Variants in ZFYVE1 observed in about 807,000 individuals in gnomAD.
ZFYVE1 encodes the protein zinc finger FYVE domain-containing protein 1.
In ZFYVE1, 30 loss-of-function variants were observed where a neutral mutation model predicts 74.4. The ratio of observed to expected loss-of-function variants is 0.40; its 90% CI spans 0.30 to 0.55. ZFYVE1 has a LOEUF of 0.55. ZFYVE1 is among the 20% of genes least tolerant of loss of function. The pLI is 0.42. For synonymous variants in ZFYVE1, 335 were observed against 385.1 expected (o/e 0.87, Z 1.52); for missense variants, 703 against 1,011.6 (o/e 0.69, Z 4.14).
At position 73,010,120 on chromosome 14, in the gene ZFYVE1, C is replaced by T. The variant is rs1273627834; in HGVS notation, c.484-11805G>A. Among the ~76,000 whole-genome samples, 3 of 152,064 alleles carry T rather than the reference C, an allele frequency of 2.0e-5. No individual in the cohort carries two copies. In the East Asian group the frequency reaches 5.8e-4, roughly 29 times the overall value. ...TAGGGATAATTGAACAAGCAGGATC[C>T]TTATTCAATACTTAACACTCCTTCC... On this transcript the variant is annotated intron_variant, in intron 2 of 11. Transcript: ENST00000556143.
chr14:73,004,685 G>A lies in ZFYVE1; in HGVS notation c.484-6370C>T, dbSNP rs972478581. Among the ~76,000 whole-genome samples, 10 of 152,060 alleles carry A rather than the reference G, an allele frequency of 6.6e-5. No individual in the cohort carries two copies. In the South Asian group the frequency reaches 1.0e-3, roughly 16 times the overall value. On this transcript the variant is annotated intron_variant, in intron 2 of 11. Coordinates refer to ENST00000556143, the MANE Select transcript of ZFYVE1 (RefSeq NM_021260.4). Reference sequence around the variant, plus strand: ...AGTGAACAATCCCTTAACGTGCACCGACTGCATTTTCGTCATGTGAAAGGA... The same window carrying A: ...AGTGAACAATCCCTTAACGTGCACCAACTGCATTTTCGTCATGTGAAAGGA...
chr14:73,004,021 C>T (rs1045636109), intron 2 of ZFYVE1, among the ~76,000 whole-genome samples: 1 of 152,172 alleles, frequency 6.6e-6, no homozygotes, highest in Non-Finnish European at 1.5e-5. Context: ...ACATCTTCCA[C>T]AGGGCTGAAC....
At chr14:72,981,734 C>CA in intron 5 of ZFYVE1, 55 bp downstream of exon 5, 1 of 1,543,144 alleles carries the variant, frequency 6.5e-7, no homozygotes, top group Non-Finnish European at 9.0e-7. Context: ...AAGCACCACT[C>CA]AAAGGCTCTA....
chr14:72,999,615 G>A lies in ZFYVE1; in HGVS notation c.484-1300C>T, dbSNP rs375582986. Among the ~76,000 whole-genome samples the A allele has an allele frequency of 3.3e-5, 5 of 152,078 alleles. No individual in the cohort carries two copies. In the South Asian group the frequency reaches 1.0e-3, roughly 32 times the overall value. ...TGAAAAGACAACTTACAGAATGGAAGAAAACATTTGTAGATCAAATATCTG... is the reference window on the plus strand; with the variant it reads ...TGAAAAGACAACTTACAGAATGGAAAAAAACATTTGTAGATCAAATATCTG... On this transcript the variant is annotated intron_variant, in intron 2 of 11. Coordinates refer to ENST00000556143, the MANE Select transcript of ZFYVE1 (RefSeq NM_021260.4).
intron 5 of ZFYVE1, chr14:72,979,369 G>A (rs1442471516): frequency 2.0e-5 from 4 of 196,264 alleles, no homozygotes; most frequent in East Asian, 1.2e-4. Context: ...GCATGGTGGC[G>A]GGCACCCATA....
At chr14:73,018,104 C>T (rs1355222562) in intron 2 of ZFYVE1, among the ~76,000 whole-genome samples, 1 of 152,128 alleles carries the variant, frequency 6.6e-6, no homozygotes, top group Admixed American at 6.6e-5. Flanking sequence ...CTACATAGCA[C>T]ATTAGTATTA....
Position 72,993,390 on chromosome 14 carries a change from T to G in ZFYVE1, c.989-33A>C, listed in dbSNP as rs1396194898. The G allele has an allele frequency of 4.6e-6, 7 of 1,530,116 alleles. No individual in the cohort carries two copies. In the Admixed American group the frequency reaches 8.2e-5, roughly 18 times the overall value. The allele number at this position is 1,530,116 out of a possible 1,614,324, so 94.8% of individuals were successfully genotyped here. A position where few individuals can be genotyped will look rare whatever the true frequency, so the allele number is the denominator to read the frequency against. ...AGCAGAAACACAGGCACATGGGTAGTGAGTGACATTTAAAAAAAAAAAAAA... is the reference window on the plus strand; with the variant it reads ...AGCAGAAACACAGGCACATGGGTAGGGAGTGACATTTAAAAAAAAAAAAAA... On this transcript the variant is annotated intron_variant, in intron 3 of 11. Coordinates refer to ENST00000556143, the MANE Select transcript of ZFYVE1 (RefSeq NM_021260.4).
chr14:72,999,381 C>T (rs919978696), intron 2 of ZFYVE1, among the ~76,000 whole-genome samples: 2 of 151,560 alleles, frequency 1.3e-5, no homozygotes, highest in Non-Finnish European at 2.9e-5. Flanking sequence ...GAGCAGCGAT[C>T]GCACCATTGC....
intron 4 of ZFYVE1, among the ~76,000 whole-genome samples, chr14:72,985,102 T>G (rs188869376): frequency 6.6e-6 from 1 of 152,286 alleles, no homozygotes; most frequent in African/African-American, 2.4e-5. Context: ...TCAATAACTC[T>G]CCAGGCTGTT....
intron 2 of ZFYVE1, among the ~76,000 whole-genome samples, chr14:73,009,857 C>T (rs560212654): frequency 2.0e-5 from 3 of 152,238 alleles, no homozygotes; most frequent in South Asian, 4.1e-4. Context: ...CCTTTAATCC[C>T]AGCAGTTCGG....
At chr14:73,026,598 A>T (rs888414595) in intron 1 of ZFYVE1, among the ~76,000 whole-genome samples, 14 of 152,132 alleles carry the variant, frequency 9.2e-5, no homozygotes, top group Admixed American at 4.6e-4. Context: ...ACGCCCGGCC[A>T]TGTCAACCAA....
intron 4 of ZFYVE1, among the ~76,000 whole-genome samples, chr14:72,984,513 G>T (rs1893428176): frequency 6.6e-6 from 1 of 151,646 alleles, no homozygotes; most frequent in African/African-American, 2.4e-5. Flanking sequence ...TGGGTGACAG[G>T]GTGAGACTCC....
chr14:72,995,286 A>G (rs1420324488), intron 3 of ZFYVE1, among the ~76,000 whole-genome samples: 1 of 152,122 alleles, frequency 6.6e-6, no homozygotes, highest in African/African-American at 2.4e-5. Flanking sequence ...TAGTAGAGAC[A>G]GGGTTTCACC....
chr14:72,969,737 G>A lies in ZFYVE1; in HGVS notation c.*1145C>T, dbSNP rs1161198439. ...AGCACAACGGGCCCTTTCCAGTCAT[G>A]ACAGACAGAGATGTCCAGGCTCTTG... On this transcript the variant is annotated 3_prime_UTR_variant, in exon 12 of 12. Coordinates refer to ENST00000556143, the MANE Select transcript of ZFYVE1 (RefSeq NM_021260.4). The A allele has an allele frequency of 4.3e-6, 3 of 702,146 alleles. No homozygotes were observed. The highest frequency in any genetic ancestry group is 3.0e-5 in the South Asian group (2 of 67,584). The allele number at this position is 702,146 out of a possible 1,614,324, so 43.5% of individuals were successfully genotyped here. A position where few individuals can be genotyped will look rare whatever the true frequency, so the allele number is the denominator to read the frequency against.
intron 6 of ZFYVE1, 56 bp from the exon 7 acceptor site, chr14:72,978,290 T>C (rs957380146): frequency 1.3e-5 from 20 of 1,569,116 alleles, no homozygotes; most frequent in Admixed American, 3.4e-5. Flanking sequence ...GTTTTTTTAA[T>C]AGACACGGGG....
intron 1 of ZFYVE1, among the ~76,000 whole-genome samples, chr14:73,025,600 G>A (rs1894442340): frequency 6.7e-6 from 1 of 150,164 alleles, no homozygotes; most frequent in African/African-American, 2.4e-5. Context: ...GGAGGCTGAG[G>A]CAGGAGAATC....
At chr14:72,971,406 G>C (rs373662677) in intron 11 of ZFYVE1, among the ~76,000 whole-genome samples, 2 of 151,874 alleles carry the variant, frequency 1.3e-5, no homozygotes, top group African/African-American at 4.8e-5. Context: ...TCACGATTTC[G>C]GCTCACCACA....
chr14:73,018,557 T>C (rs969326041), intron 2 of ZFYVE1, among the ~76,000 whole-genome samples: 12 of 152,140 alleles, frequency 7.9e-5, no homozygotes, highest in African/African-American at 2.7e-4. Flanking sequence ...TTTAGGTGTT[T>C]ACATGTGTGA....
intron 2 of ZFYVE1, among the ~76,000 whole-genome samples, chr14:73,001,765 A>G (rs996631393): frequency 1.1e-4 from 16 of 148,396 alleles, no homozygotes; most frequent in African/African-American, 3.3e-4. Flanking sequence ...CCTGACCAAC[A>G]TGGAGAAACC....
Sources: allele counts gnomAD v4.1 joint callset (sites outside exome capture counted in the v4.1 genomes callset), GRCh38; gene constraint gnomAD v4.1.1; transcripts MANE v1.5; gene names NCBI Gene and HGNC (gene_info 2026-07-23, HGNC 2026-07-21).